Variants in SLC12A2 observed in about 807,000 individuals in gnomAD.
SLC12A2 encodes the protein Na-K-2Cl cotransporter 1.
SLC12A2 carries 67 observed loss-of-function variants against 136.3 expected under a neutral mutation model. That is an observed-to-expected ratio of 0.49 (90% CI 0.40 to 0.60). SLC12A2 has a LOEUF of 0.60. Among genes scored for constraint, SLC12A2 ranks in the 20% least tolerant of loss-of-function variants. The pLI is 0.00. For synonymous variants in SLC12A2, 619 were observed against 562.9 expected (o/e 1.10, Z -1.41); for missense variants, 1,322 against 1,534.7 (o/e 0.86, Z 2.32).
intron 16 of SLC12A2, 126 bp from the exon 17 acceptor site, chr5:128,161,534 A>G: frequency 2.1e-6 from 1 of 469,976 alleles, no homozygotes. Context: ...ATAAAATGCT[A>G]TTATTATACT....
chr5:128,087,423 T>C (rs1046680149), intron 1 of SLC12A2, among the ~76,000 whole-genome samples: 2 of 152,188 alleles, frequency 1.3e-5, no homozygotes, highest in African/African-American at 4.8e-5. Flanking sequence ...AGGATACTTG[T>C]AAAGATAGAA....
intron 7 of SLC12A2, among the ~76,000 whole-genome samples, chr5:128,138,323 AGTC>A (rs1415783106): frequency 1.3e-5 from 2 of 152,164 alleles, no homozygotes; most frequent in African/African-American, 4.8e-5. Context: ...CATTTGGGCT[AGTC>A]ATAACAATTC....
intron 9 of SLC12A2, among the ~76,000 whole-genome samples, chr5:128,139,500 G>C (rs1041555371): frequency 2.0e-5 from 3 of 152,144 alleles, no homozygotes; most frequent in Admixed American, 2.0e-4. Context: ...CAACTTGAAA[G>C]GACTTAAGTG....
intron 7 of SLC12A2, among the ~76,000 whole-genome samples, chr5:128,136,822 A>G (rs1762206362): frequency 6.6e-6 from 1 of 152,108 alleles, no homozygotes; most frequent in South Asian, 2.1e-4. Flanking sequence ...TCAAAATGCT[A>G]TTAAGGGACT....
intron 12 of SLC12A2, among the ~76,000 whole-genome samples, chr5:128,149,589 G>C (rs1762634311): frequency 6.6e-6 from 1 of 151,486 alleles, no homozygotes; most frequent in Admixed American, 6.6e-5. Flanking sequence ...GAATAAACTT[G>C]GTTTTCATTT....
In SLC12A2 at chr5:128,167,815, G is replaced by A. The variant is rs776783457; in HGVS notation, c.2671G>A (p.Asp891Asn). 1 of 1,609,752 alleles carries A rather than the reference G, an allele frequency of 6.2e-7. No individual in the cohort carries two copies. Among genetic ancestry groups the A allele is most frequent in the South Asian group, 1.1e-5 (1 of 90,224 alleles). ...CACACTTGTCCTTGGATTTAAGAAAGATTGGTTGCAAGCAGATATGAGGGA... is the reference window on the plus strand; with the variant it reads ...CACACTTGTCCTTGGATTTAAGAAAAATTGGTTGCAAGCAGATATGAGGGA... Reference protein sequence around the residue: ...PNTLVLGFKKDWLQADMRDVD... With the variant: ...PNTLVLGFKKNWLQADMRDVD... Residue 891 changes from aspartate (D) to asparagine (N), a missense_variant, in exon 18 of 27, where the codon GAT (aspartate) becomes AAT (asparagine). Coordinates refer to ENST00000262461, the MANE Select transcript of SLC12A2 (RefSeq NM_001046.3).
chr5:128,083,997 C>T lies in SLC12A2; in HGVS notation c.43C>T (p.Leu15=). Residue 15 remains leucine (L), a synonymous_variant, in exon 1 of 27, where the codon CTG becomes TTG. Coordinates refer to ENST00000262461, the MANE Select transcript of SLC12A2 (RefSeq NM_001046.3). ...PTAPSSGAPG[L]AGVGETPSAA... is the part of the protein sequence containing the mutation. ...GGCGCCCTCCTCCGGCGCCCCGGGA[C>T]TGGCCGGGGTCGGGGAGACGCCGTC... 4.0e-6 allele frequency: 5 copies of T among 1,249,546 alleles called. No homozygotes were observed. The highest frequency in any genetic ancestry group is 5.0e-6 in the Non-Finnish European group (5 of 998,660). The allele number at this position is 1,249,546 out of a possible 1,614,324, so 77.4% of individuals were successfully genotyped here.
intron 14 of SLC12A2, among the ~76,000 whole-genome samples, chr5:128,151,733 C>A (rs545302151): frequency 1.6e-4 from 24 of 152,036 alleles, no homozygotes; most frequent in African/African-American, 5.3e-4. Context: ...TGAAAGGATC[C>A]AGTTACAGTA....
At chr5:128,168,125 T>C (rs975669328) in intron 18 of SLC12A2, 13 of 245,670 alleles carry the variant, frequency 5.3e-5, no homozygotes, top group Admixed American at 1.7e-4. Context: ...TATGTATATA[T>C]GTATACACTC....
At chr5:128,115,474 G>T (rs982063432) in intron 4 of SLC12A2, among the ~76,000 whole-genome samples, 1 of 152,136 alleles carries the variant, frequency 6.6e-6, no homozygotes, top group South Asian at 2.1e-4. Flanking sequence ...TGGGCACTAT[G>T]AGGCCTCTCA....
chr5:128,104,951 G>A (rs1199576093), intron 1 of SLC12A2, among the ~76,000 whole-genome samples: 2 of 152,028 alleles, frequency 1.3e-5, no homozygotes, highest in Non-Finnish European at 1.5e-5. Flanking sequence ...AAGGAATGAG[G>A]GAAATAGATA....
chr5:128,113,414 T>C (rs780303747), intron 2 of SLC12A2, among the ~76,000 whole-genome samples: 3 of 152,186 alleles, frequency 2.0e-5, no homozygotes, highest in Non-Finnish European at 2.9e-5. Flanking sequence ...GAGTTCACTT[T>C]GTGCATAGAT....
chr5:128,092,445 AGTT>A (rs965956503), intron 1 of SLC12A2, among the ~76,000 whole-genome samples: 16 of 152,190 alleles, frequency 1.1e-4, no homozygotes, highest in Non-Finnish European at 1.8e-4. Flanking sequence ...TTGGACTAGC[AGTT>A]GTTGTGATTA....
At chr5:128,100,607 GTGTATCTTA>G (rs1760709290) in intron 1 of SLC12A2, among the ~76,000 whole-genome samples, 1 of 152,082 alleles carries the variant, frequency 6.6e-6, no homozygotes, top group Non-Finnish European at 1.5e-5. Context: ...GAAAAATCAA[GTGTATCTTA>G]TGTATCCAGG....
Position 128,084,544 on chromosome 5 carries a change from A to C in SLC12A2, c.590A>C (p.Gln197Pro). The C allele has an allele frequency of 9.3e-6, 15 of 1,613,678 alleles. No homozygotes were observed. Among genetic ancestry groups the C allele is most frequent in the Non-Finnish European group, 1.3e-5 (15 of 1,179,980 alleles). The change falls in exon 1 of 27, where the codon CAG (glutamine) becomes CCG (proline). Residue 197 changes from glutamine to proline, a missense_variant. Transcript: ENST00000262461. The surrounding 1 kb of genome is among the most constrained non-coding windows in gnomAD (Gnocchi z 5.6). ...SGGGGGSGHH[Q>P]HYYYDTHTNT... is the part of the protein sequence containing the mutation. ...GGCGGCGGCGGCAGTGGGCACCACC[A>C]GCACTACTATTATGATACCCACACC...
intron 4 of SLC12A2, among the ~76,000 whole-genome samples, chr5:128,127,276 C>T: frequency 6.6e-6 from 1 of 151,496 alleles, no homozygotes; most frequent in African/African-American, 2.4e-5. Context: ...CACCCGCCAC[C>T]ACGCCCAGCT....
At chr5:128,119,858 G>C (rs960479939) in intron 4 of SLC12A2, among the ~76,000 whole-genome samples, 2 of 152,164 alleles carry the variant, frequency 1.3e-5, no homozygotes, top group African/African-American at 4.8e-5. Flanking sequence ...ATTGACAAAT[G>C]GGATCTAATT....
chr5:128,171,643 C>A, intron 18 of SLC12A2, 24 bp from the exon 19 acceptor site: 1 of 1,497,236 alleles, frequency 6.7e-7, no homozygotes, highest in South Asian at 1.3e-5. Context: ...TTGGTTTTTT[C>A]ATTTTTTGTT....
At chr5:128,103,138 T>G (rs1166842698) in intron 1 of SLC12A2, among the ~76,000 whole-genome samples, 4 of 152,220 alleles carry the variant, frequency 2.6e-5, no homozygotes, top group Non-Finnish European at 5.9e-5. Flanking sequence ...AAGGTGTGCA[T>G]TTTTTCAACT....
Sources: allele counts gnomAD v4.1 joint callset (sites outside exome capture counted in the v4.1 genomes callset), GRCh38; gene constraint gnomAD v4.1.1; non-coding constraint Gnocchi (gnomAD v3.1); transcripts MANE v1.5; gene names NCBI Gene and HGNC (gene_info 2026-07-23, HGNC 2026-07-21).